The following RIPK4 variants were observed in gnomAD, a reference collection of about 807,000 sequenced individuals.
RIPK4 encodes receptor-interacting serine/threonine-protein kinase 4.
In RIPK4, 17 loss-of-function variants were observed where a neutral mutation model predicts 42.9. That is an observed-to-expected ratio of 0.40 (90% confidence interval 0.27 to 0.59). The LOEUF is 0.59. Among genes scored for constraint, RIPK4 ranks in the 20% least tolerant of loss-of-function variants. The pLI, the probability that RIPK4 is intolerant of heterozygous loss-of-function variation, is 0.47. For missense variants in RIPK4, 897 were observed against 1,104.4 expected (o/e 0.81, Z 2.66); for synonymous variants, 498 against 499.1 (o/e 1.00, Z 0.03).
intron 4 of RIPK4, among the ~76,000 whole-genome samples, chr21:41,747,691 T>C (rs1231128028): frequency 6.6e-6 from 1 of 152,214 alleles, no homozygotes; most frequent in Non-Finnish European, 1.5e-5. Flanking sequence ...TAGCAGGCTA[T>C]TTCCATGATT....
At chr21:41,766,798 C>G in intron 1 of RIPK4, 62 bp downstream of exon 1, 1 of 1,515,538 alleles carries the variant, frequency 6.6e-7, no homozygotes, top group Non-Finnish European at 8.9e-7. Flanking sequence ...GGGACCAGAG[C>G]ACCCCGACCC....
intron 2 of RIPK4, among the ~76,000 whole-genome samples, chr21:41,752,142 T>G (rs2061190472): frequency 6.6e-6 from 1 of 152,188 alleles, no homozygotes; most frequent in Non-Finnish European, 1.5e-5. Flanking sequence ...GTATGTGGGA[T>G]GAAGACACAA....
chr21:41,765,539 C>CCT (rs149951120), intron 1 of RIPK4, among the ~76,000 whole-genome samples: 1,887 of 152,300 alleles, frequency 0.012, 31 homozygotes, highest in African/African-American at 0.041. Context: ...AGAGGACAGG[C>CCT]CTCTCATCCA....
intron 4 of RIPK4, among the ~76,000 whole-genome samples, chr21:41,748,404 A>G (rs1490761952): frequency 6.6e-6 from 1 of 152,232 alleles, no homozygotes; most frequent in African/African-American, 2.4e-5. Flanking sequence ...TGTCCAACAA[A>G]GCTAAAAAGT....
In RIPK4 at chr21:41,741,193, G is replaced by A. The variant is rs147354391; in HGVS notation, c.2000C>T (p.Thr667Ile). 5.0e-6 allele frequency: 8 copies of A among 1,611,210 alleles called. No individual in the cohort carries two copies. Among genetic ancestry groups the A allele is most frequent in the African/African-American group, 4.0e-5 (3 of 74,900 alleles). ...LHRGAGKEAM[T>I]SDGYTALHLA... ...GTGCAGAGCGGTGTAGCCGTCTGAG[G>A]TCATGGCCTCCTTGCCAGCGCCCCG... The change falls in exon 8 of 8, where the codon ACC (threonine) becomes ATC (isoleucine). Residue 667 changes from threonine to isoleucine, a missense_variant. Transcript: ENST00000332512.
At chr21:41,758,357 G>A (rs191983733) in intron 1 of RIPK4, among the ~76,000 whole-genome samples, 7 of 152,266 alleles carry the variant, frequency 4.6e-5, no homozygotes, top group Non-Finnish European at 7.4e-5. Context: ...CATTAAGCAT[G>A]TTTTCAGGGT....
intron 7 of RIPK4, 66 bp downstream of exon 7, chr21:41,743,812 TCTCA>T: frequency 6.7e-7 from 1 of 1,497,940 alleles, no homozygotes. Flanking sequence ...CCGTTTAGCT[TCTCA>T]CTGAGTCCAG....
chr21:41,746,296 T>A, intron 5 of RIPK4: 1 of 591,310 alleles, frequency 1.7e-6, no homozygotes, highest in Non-Finnish European at 3.0e-6. Flanking sequence ...ACCGGCCAGG[T>A]AAGTCCCCGG....
intron 6 of RIPK4, among the ~76,000 whole-genome samples, chr21:41,744,686 G>A (rs530201334): frequency 3.3e-5 from 5 of 152,190 alleles, no homozygotes; most frequent in Admixed American, 6.5e-5. Context: ...ACAGGCCAGC[G>A]TTGGCAGGAA....
Position 41,751,616 on chromosome 21 carries a change from C to T in RIPK4, c.475-371G>A, listed in dbSNP as rs931518517. ...GCATAAAGGGAAAAAAACAAGCCTTCGAGGGTTCAGGTAAAGAGAGACACA... is the reference window on the plus strand; with the variant it reads ...GCATAAAGGGAAAAAAACAAGCCTTTGAGGGTTCAGGTAAAGAGAGACACA... On this transcript the variant is annotated intron_variant, in intron 2 of 7. Transcript: ENST00000332512. The surrounding 1 kb of genome is among the most constrained non-coding windows in gnomAD (Gnocchi z 4.5). Among the ~76,000 whole-genome samples, 4 of 152,194 alleles carry T rather than the reference C, an allele frequency of 2.6e-5. No homozygotes were observed. Among genetic ancestry groups the T allele is most frequent in the Non-Finnish European group, 4.4e-5 (3 of 68,038 alleles).
Position 41,751,050 on chromosome 21 carries a change from G to A in RIPK4, c.623+47C>T. ...GCTCAGGGCATGAAGCATTGAGGTT[G>A]AGAGCCCCTGGCACCCACAGGGGAT... On this transcript the variant is annotated intron_variant, in intron 3 of 7. Transcript: ENST00000332512. This position sits in a 1 kb window ranked among gnomAD's most constrained non-coding sequence, Gnocchi z 4.5. 6.3e-7 allele frequency: 1 copy of A among 1,589,758 alleles called. No individual in the cohort carries two copies. Among genetic ancestry groups the A allele is most frequent in the Non-Finnish European group, 8.6e-7 (1 of 1,166,588 alleles).
intron 2 of RIPK4, 86 bp downstream of exon 2, chr21:41,756,439 C>T: frequency 6.7e-7 from 1 of 1,500,960 alleles, no homozygotes; most frequent in South Asian, 1.2e-5. Flanking sequence ...CTTGTCCTGA[C>T]CTCAGGGCTT....
chr21:41,742,819 T>C lies in RIPK4; in HGVS notation c.1196-822A>G, dbSNP rs1303632976. 6.6e-6 allele frequency among the ~76,000 whole-genome samples: 1 copy of C among 152,092 alleles called. No homozygotes were observed. The highest frequency in any genetic ancestry group is 1.9e-4 in the East Asian group (1 of 5,182). ...AAGACAAGATGTCATTTCAGAGTAT[T>C]AGACCCAAAGAGAATGTTCTAGAAC... On this transcript the variant is annotated intron_variant, in intron 7 of 7. Transcript: ENST00000332512. This position sits in a 1 kb window ranked among gnomAD's most constrained non-coding sequence, Gnocchi z 5.1.
At chr21:41,745,725 G>A in intron 6 of RIPK4, 34 bp downstream of exon 6, 1 of 1,527,840 alleles carries the variant, frequency 6.5e-7, no homozygotes, top group Non-Finnish European at 9.1e-7. Context: ...GGAAGCCGAG[G>A]AGACAAAAGA....
At chr21:41,762,177 G>T (rs1233136019) in intron 1 of RIPK4, among the ~76,000 whole-genome samples, 1 of 152,140 alleles carries the variant, frequency 6.6e-6, no homozygotes, top group Non-Finnish European at 1.5e-5. Context: ...AGGAAAATCA[G>T]CTGTCCTGGA....
intron 1 of RIPK4, among the ~76,000 whole-genome samples, chr21:41,757,757 T>A (rs1453721688): frequency 6.6e-6 from 1 of 151,128 alleles, no homozygotes; most frequent in Non-Finnish European, 1.5e-5. Context: ...TCCCAGCACT[T>A]TGGGAGGCCG....
At chr21:41,758,006 A>C (rs2061209325) in intron 1 of RIPK4, among the ~76,000 whole-genome samples, 3 of 61,230 alleles carry the variant, frequency 4.9e-5, no homozygotes, top group East Asian at 3.5e-4. Flanking sequence ...AACAAAAAAA[A>C]AAAAAAAAAA....
At chr21:41,763,259 A>C (rs905932321) in intron 1 of RIPK4, among the ~76,000 whole-genome samples, 1 of 152,178 alleles carries the variant, frequency 6.6e-6, no homozygotes, top group Non-Finnish European at 1.5e-5. Flanking sequence ...GGGCTAGCCA[A>C]AGTGTATTTC....
chr21:41,746,275 C>T (rs981614421), intron 5 of RIPK4: 42 of 577,622 alleles, frequency 7.3e-5, no homozygotes, highest in East Asian at 5.0e-4. Flanking sequence ...AGAAGGGCGA[C>T]GCCGCCGGCC....
Sources: allele counts gnomAD v4.1 joint callset (sites outside exome capture counted in the v4.1 genomes callset), GRCh38; gene constraint gnomAD v4.1.1; non-coding constraint Gnocchi (gnomAD v3.1); transcripts MANE v1.5; gene names NCBI Gene and HGNC (gene_info 2026-07-23, HGNC 2026-07-21).